HECW1: variants seen among roughly 807,000 people sequenced by gnomAD.
The protein encoded by HECW1 is HECT, C2 and WW domain containing E3 ubiquitin protein ligase 1.
Under a neutral mutation model 182.3 loss-of-function variants are expected in HECW1, and 61 were observed. The observed-to-expected ratio is 0.33, with a 90% CI of 0.27 to 0.41. HECW1 has a LOEUF of 0.41. Among genes scored for constraint, HECW1 ranks in the 10% least tolerant of loss-of-function variants. HECW1 has a pLI of 1.00. For synonymous variants in HECW1, 859 were observed against 832.6 expected (o/e 1.03, Z -0.55); for missense variants, 1,739 against 2,108.9 (o/e 0.82, Z 3.44).
At chr7:43,537,064 A>C (rs2081203096) in intron 24 of HECW1, among the ~76,000 whole-genome samples, 1 of 152,202 alleles carries the variant, frequency 6.6e-6, no homozygotes, top group Non-Finnish European at 1.5e-5. Flanking sequence ...AGCGCAGAAA[A>C]AGAGGGGAGC....
At chr7:43,128,094 G>A (rs1786481906) in intron 2 of HECW1, among the ~76,000 whole-genome samples, 1 of 152,080 alleles carries the variant, frequency 6.6e-6, no homozygotes, top group Non-Finnish European at 1.5e-5. Flanking sequence ...TACCCAGGCT[G>A]GGCTCGAACT....
intron 28 of HECW1, among the ~76,000 whole-genome samples, chr7:43,553,384 C>T (rs368893951): frequency 4.6e-5 from 7 of 152,066 alleles, no homozygotes; most frequent in Admixed American, 3.9e-4. Flanking sequence ...GAATGAAAAC[C>T]GCTGTCTGCC....
intron 3 of HECW1, among the ~76,000 whole-genome samples, chr7:43,302,961 A>G (rs977774114): frequency 1.3e-5 from 2 of 152,092 alleles, no homozygotes; most frequent in African/African-American, 4.8e-5. Flanking sequence ...GCGCGCACAC[A>G]CACACACAGG....
In HECW1 at chr7:43,124,955, G is replaced by A. The variant is rs184592546; in HGVS notation, c.-32+10564G>A. ...TGTTTTCAAGATGCCTTAGTTTGGG[G>A]TGTTATACCAAATACCATAGACTGA... is the stretch of plus-strand genomic sequence containing the variant. On this transcript the variant is annotated intron_variant, in intron 2 of 29. Coordinates refer to ENST00000395891, the MANE Select transcript of HECW1 (RefSeq NM_015052.5). 2.6e-5 allele frequency among the ~76,000 whole-genome samples: 4 copies of A among 152,222 alleles called. No individual in the cohort carries two copies. In the East Asian group the frequency reaches 7.7e-4, roughly 29 times the overall value.
At chr7:43,478,475 T>C (rs2078299186) in intron 16 of HECW1, among the ~76,000 whole-genome samples, 1 of 152,138 alleles carries the variant, frequency 6.6e-6, no homozygotes, top group Admixed American at 6.5e-5. Flanking sequence ...AAAAGTCAAA[T>C]GTCTAACAAT....
chr7:43,169,047 T>C (rs890014029), intron 2 of HECW1, among the ~76,000 whole-genome samples: 3 of 152,228 alleles, frequency 2.0e-5, no homozygotes, highest in Non-Finnish European at 4.4e-5. Context: ...ACCAGGAGAA[T>C]ATGTTCATGC....
intron 5 of HECW1, among the ~76,000 whole-genome samples, chr7:43,334,480 A>G (rs1367857683): frequency 1.3e-5 from 2 of 152,198 alleles, no homozygotes; most frequent in African/African-American, 4.8e-5. Flanking sequence ...AAATCCGCCA[A>G]CACCCACAAA....
rs1584621315 is a variant in HECW1 at position 43,360,735 on chromosome 7, G to A, written c.461-151G>A. 2.9e-5 allele frequency: 19 copies of A among 660,820 alleles called. No homozygotes were observed. The East Asian group carries it at 5.2e-4, about 18-fold the overall frequency. The allele number at this position is 660,820 out of a possible 1,614,324, so 40.9% of individuals were successfully genotyped here. On this transcript the variant is annotated intron_variant, in intron 5 of 29. Coordinates refer to ENST00000395891, the MANE Select transcript of HECW1 (RefSeq NM_015052.5). ...GTTTTAAGAAGTCAGACCTGTCCTTGAGGCCACATGAGGAGCATCATTGTC... is the reference window on the plus strand; with the variant it reads ...GTTTTAAGAAGTCAGACCTGTCCTTAAGGCCACATGAGGAGCATCATTGTC...
At chr7:43,228,038 T>G (rs995403348) in intron 2 of HECW1, among the ~76,000 whole-genome samples, 1 of 152,122 alleles carries the variant, frequency 6.6e-6, no homozygotes, top group African/African-American at 2.4e-5. Context: ...CTGGGAAGGG[T>G]GAGTAAGCAG....
At chr7:43,396,997 T>C in intron 7 of HECW1, 108 bp downstream of exon 7, 1 of 803,526 alleles carries the variant, frequency 1.2e-6, no homozygotes, top group Non-Finnish European at 2.1e-6. Flanking sequence ...AACCTCTCTG[T>C]GCCTCAATTT....
At chr7:43,310,774 G>T (rs1193229066) in intron 3 of HECW1, among the ~76,000 whole-genome samples, 1 of 152,184 alleles carries the variant, frequency 6.6e-6, no homozygotes, top group African/African-American at 2.4e-5. Context: ...TGCATAAGAA[G>T]TTACAGTTCC....
At chr7:43,549,624 T>C (rs576801931) in intron 26 of HECW1, among the ~76,000 whole-genome samples, 1 of 152,326 alleles carries the variant, frequency 6.6e-6, no homozygotes, top group East Asian at 1.9e-4. Context: ...TAGCCTTCCC[T>C]GATGACTCAA....
intron 5 of HECW1, among the ~76,000 whole-genome samples, chr7:43,353,727 C>A (rs1814746169): frequency 6.6e-6 from 1 of 152,132 alleles, no homozygotes; most frequent in African/African-American, 2.4e-5. Context: ...GGTAGACAAC[C>A]AGCTTCCACA....
chr7:43,233,130 C>T (rs1584092513), intron 2 of HECW1, among the ~76,000 whole-genome samples: 1 of 152,074 alleles, frequency 6.6e-6, no homozygotes. Context: ...CCCAGAACCT[C>T]TATTTCTATG....
intron 7 of HECW1, among the ~76,000 whole-genome samples, chr7:43,405,523 C>T (rs534261345): frequency 1.4e-3 from 211 of 152,180 alleles, no homozygotes; most frequent in Admixed American, 2.8e-3. Context: ...TGTGACAGCA[C>T]GTGGAAATGC....
intron 5 of HECW1, among the ~76,000 whole-genome samples, chr7:43,350,156 A>G (rs913141026): frequency 1.3e-5 from 2 of 152,156 alleles, no homozygotes; most frequent in Non-Finnish European, 2.9e-5. Context: ...TTCTTGGCTG[A>G]TAATTGTTTT....
intron 3 of HECW1, among the ~76,000 whole-genome samples, chr7:43,301,319 C>T (rs1316010677): frequency 6.6e-6 from 1 of 152,224 alleles, no homozygotes; most frequent in Non-Finnish European, 1.5e-5. Context: ...TTGCCCCTTC[C>T]TTCCAGGTCC....
intron 2 of HECW1, among the ~76,000 whole-genome samples, chr7:43,145,381 C>T (rs982188429): frequency 3.9e-5 from 6 of 152,166 alleles, no homozygotes; most frequent in Admixed American, 3.3e-4. Flanking sequence ...CTGCAACATC[C>T]ACCTCCTGGG....
intron 2 of HECW1, among the ~76,000 whole-genome samples, chr7:43,153,175 T>A (rs1008707191): frequency 3.9e-5 from 6 of 152,156 alleles, no homozygotes; most frequent in African/African-American, 1.2e-4. Context: ...CATTTTTTTT[T>A]AAAACCACTG....
Sources: allele counts gnomAD v4.1 joint callset (sites outside exome capture counted in the v4.1 genomes callset), GRCh38; gene constraint gnomAD v4.1.1; transcripts MANE v1.5; gene names NCBI Gene and HGNC (gene_info 2026-07-23, HGNC 2026-07-21).